The following ROBO3 variants were observed in gnomAD, a reference collection of about 807,000 sequenced individuals.
ROBO3 encodes the protein roundabout guidance receptor 3.
Under a neutral mutation model 160.5 loss-of-function variants are expected in ROBO3, and 97 were observed. The ratio of observed to expected loss-of-function variants is 0.60; its 90% CI spans 0.51 to 0.72. The LOEUF (loss-of-function observed/expected upper bound fraction) is 0.72. Among genes scored for constraint, ROBO3 ranks in the 30% least tolerant of loss-of-function variants. The probability of loss-of-function intolerance (pLI) is 0.00; values close to 1 mark genes in which losing one functional copy is unlikely to be tolerated. For missense variants in ROBO3, 1,858 were observed against 1,846.5 expected (o/e 1.01, Z -0.11); for synonymous variants, 780 against 746.2 (o/e 1.05, Z -0.74).
At chr11:124,868,633 A>G in intron 1 of ROBO3, 169 bp from the exon 2 acceptor site, 2 of 754,630 alleles carry the variant, frequency 2.7e-6, no homozygotes, top group Non-Finnish European at 2.3e-6. Context: ...AACGTCTGCC[A>G]ATAAGGACAT....
chr11:124,872,437 A>C lies in ROBO3; in HGVS notation c.1215A>C (p.Pro405=). 6.2e-7 allele frequency: 1 copy of C among 1,613,990 alleles called. No homozygotes were observed. The change falls in exon 8 of 28, where the codon CCA becomes CCC. Residue 405 remains proline, a synonymous_variant. Transcript: ENST00000397801. The surrounding 1 kb of genome is among the most constrained non-coding windows in gnomAD (Gnocchi z 4.3). ...CGACGGGGCGCTTCTCAGTGTCTCC[A>C]AGAGGCCAACTTAACATCACCGCGG... The part of the protein sequence containing the change: ...LQPTGRFSVS[P]RGQLNITAVQ...
chr11:124,870,651 A>G lies in ROBO3; in HGVS notation c.956A>G (p.Glu319Gly), dbSNP rs1306906691. 1 of 1,613,518 alleles carries G rather than the reference A, an allele frequency of 6.2e-7. No homozygotes were observed. Among genetic ancestry groups the G allele is most frequent in the Non-Finnish European group, 8.5e-7 (1 of 1,179,768 alleles). Residue 319 changes from glutamate (E) to glycine (G), a missense_variant, in exon 6 of 28, where the codon GAA becomes GGA. Glu to Gly is a moderately conservative substitution (Grantham distance 98). Transcript: ENST00000397801. ...HSLWIGHVSA[E>G]DEGTYTCVAE... ...CTTTGGATTGGGCATGTGAGTGCCGAAGATGAGGGAACGTACACCTGTGTG... is the reference window on the plus strand; with the variant it reads ...CTTTGGATTGGGCATGTGAGTGCCGGAGATGAGGGAACGTACACCTGTGTG...
intron 20 of ROBO3, 55 bp from the exon 21 acceptor site, chr11:124,877,882 G>C: frequency 7.7e-7 from 1 of 1,307,068 alleles, no homozygotes; most frequent in Admixed American, 2.0e-5. Context: ...CTTCCATTCT[G>C]TTGTCCTCTA....
At position 124,872,556 on chromosome 11, in the gene ROBO3, C is replaced by T. The variant is rs917055126; in HGVS notation, c.1330+4C>T. ...GCCCTGCTGGAGATAAAAGGAGGTA[C>T]GTGCCCATGGAGATAGGACTGGATC... On this transcript the variant is annotated splice_donor_region_variant and intron_variant, in intron 8 of 27. Transcript: ENST00000397801. The surrounding 1 kb of genome is among the most constrained non-coding windows in gnomAD (Gnocchi z 4.3). 27 of 1,612,132 alleles carry T rather than the reference C, an allele frequency of 1.7e-5. No homozygotes were observed. The highest frequency in any genetic ancestry group is 1.8e-5 in the Non-Finnish European group (21 of 1,178,664).
chr11:124,875,868 G>C (rs1296845006), intron 15 of ROBO3, 86 bp from the exon 16 acceptor site: 4 of 1,497,194 alleles, frequency 2.7e-6, no homozygotes, highest in South Asian at 2.4e-5. Context: ...TCTGTATAAG[G>C]CTTCTCTACC....
At chr11:124,879,677 C>T in intron 25 of ROBO3, 102 bp downstream of exon 25, 1 of 1,548,970 alleles carries the variant, frequency 6.5e-7, no homozygotes, top group Non-Finnish European at 8.8e-7. Flanking sequence ...CAGGTGAACC[C>T]CAATCTTGGG....
rs1354153749 is a variant in ROBO3 at position 124,868,784 on chromosome 11, G to A, written c.161-18G>A. 7 of 1,595,380 alleles carry A rather than the reference G, an allele frequency of 4.4e-6. No individual in the cohort carries two copies. The highest frequency in any genetic ancestry group is 6.0e-6 in the Non-Finnish European group (7 of 1,171,130). On this transcript the variant is annotated intron_variant, in intron 1 of 27. Transcript: ENST00000397801. ...CAATTTCCCTGTCTGAACGCTCTGCGCCACCCCCTGTCCCCAGGGTCAAGG... is the reference window on the plus strand; with the variant it reads ...CAATTTCCCTGTCTGAACGCTCTGCACCACCCCCTGTCCCCAGGGTCAAGG...
rs371196915 is a variant in ROBO3 at position 124,875,347 on chromosome 11, C to T, written c.2299+11C>T. ...GCATTCCTGAGGAGGGTAAGGAGGG[C>T]CACCGAACAGATGGATGGACAAGAG... On this transcript the variant is annotated intron_variant, in intron 14 of 27. Coordinates refer to ENST00000397801, the MANE Select transcript of ROBO3 (RefSeq NM_022370.4). 1.9e-4 allele frequency: 310 copies of T among 1,601,966 alleles called. No homozygotes were observed. The highest frequency in any genetic ancestry group is 2.4e-4 in the Non-Finnish European group (282 of 1,172,596).
Position 124,873,680 on chromosome 11 carries a change from A to G in ROBO3, c.1619-17A>G. On this transcript the variant is annotated splice_polypyrimidine_tract_variant and intron_variant, in intron 10 of 27. Transcript: ENST00000397801. The surrounding 1 kb of genome is among the most constrained non-coding windows in gnomAD (Gnocchi z 4.5). Reference sequence around the variant, plus strand: ...CCTTTCCCTATCTTTCTACTTAAAGATTATCTCCCACTGCAGAAGACTGGG... The same window carrying G: ...CCTTTCCCTATCTTTCTACTTAAAGGTTATCTCCCACTGCAGAAGACTGGG... The G allele has an allele frequency of 6.3e-7, 1 of 1,596,446 alleles. No individual in the cohort carries two copies. The highest frequency in any genetic ancestry group is 8.5e-7 in the Non-Finnish European group (1 of 1,171,298).
In ROBO3 at chr11:124,865,847, C is replaced by A. The variant is rs1012114637; in HGVS notation, c.160+110C>A. 6 of 1,171,786 alleles carry A rather than the reference C, an allele frequency of 5.1e-6. No homozygotes were observed. Among genetic ancestry groups the A allele is most frequent in the South Asian group, 1.6e-5 (1 of 64,202 alleles). 72.6% of individuals were successfully genotyped at this position (1,171,786 alleles called of 1,614,324 possible). ...TGTCCCGAGGTCCGGGATTGAGTGG[C>A]GCCTCCCAGCGCCTCCCTGGGTCGT... On this transcript the variant is annotated intron_variant, in intron 1 of 27. Transcript: ENST00000397801. The surrounding 1 kb of genome is among the most constrained non-coding windows in gnomAD (Gnocchi z 5.5).
Position 124,873,411 on chromosome 11 carries a change from C to CCT in ROBO3, c.1618+21_1618+22dup, listed in dbSNP as rs1371080308. On this transcript the variant is annotated intron_variant, in intron 10 of 27. Transcript: ENST00000397801. This position sits in a 1 kb window ranked among gnomAD's most constrained non-coding sequence, Gnocchi z 4.5. Reference sequence around the variant, plus strand: ...TGCGGGGTGAGTTTTTTCTTTCTTCCCTTATTTTGATAATACCTTCCTCCA... The same window carrying CCT: ...TGCGGGGTGAGTTTTTTCTTTCTTCCCTCTTATTTTGATAATACCTTCCTCCA... 6.3e-7 allele frequency: 1 copy of CCT among 1,598,286 alleles called. No homozygotes were observed. Among genetic ancestry groups the CCT allele is most frequent in the Admixed American group, 1.7e-5 (1 of 58,152 alleles).
In ROBO3 at chr11:124,872,818, G is replaced by A. The variant is rs2135329351; in HGVS notation, c.1331-66G>A. 7.4e-7 allele frequency: 1 copy of A among 1,353,806 alleles called. No individual in the cohort carries two copies. Among genetic ancestry groups the A allele is most frequent in the South Asian group, 1.5e-5 (1 of 68,208 alleles). 83.9% of individuals were successfully genotyped at this position (1,353,806 alleles called of 1,614,324 possible). On this transcript the variant is annotated intron_variant, in intron 8 of 27. Coordinates refer to ENST00000397801, the MANE Select transcript of ROBO3 (RefSeq NM_022370.4). The surrounding 1 kb of genome is among the most constrained non-coding windows in gnomAD (Gnocchi z 4.3). ...GGGAGGGTGAAGGAGCAGAGAATGA[G>A]GACAAGGGGCTGCCCGCGGGGCCCT...
chr11:124,872,866 A>T lies in ROBO3; in HGVS notation c.1331-18A>T, dbSNP rs183369089. Reference sequence around the variant, plus strand: ...CCTAAGCTCCTCCCCTGAGGTGCACACGTTCTTCCTCTCTCAGCCTCTTTG... The same window carrying T: ...CCTAAGCTCCTCCCCTGAGGTGCACTCGTTCTTCCTCTCTCAGCCTCTTTG... On this transcript the variant is annotated intron_variant, in intron 8 of 27. Coordinates refer to ENST00000397801, the MANE Select transcript of ROBO3 (RefSeq NM_022370.4). This position sits in a 1 kb window ranked among gnomAD's most constrained non-coding sequence, Gnocchi z 4.3. The T allele has an allele frequency of 1.9e-6, 3 of 1,572,246 alleles. No individual in the cohort carries two copies. In the East Asian group the frequency reaches 6.8e-5, roughly 36 times the overall value.
Position 124,872,521 on chromosome 11 carries a change from C to G in ROBO3, c.1299C>G (p.Ile433Met). 1 of 1,613,890 alleles carries G rather than the reference C, an allele frequency of 6.2e-7. No individual in the cohort carries two copies. The highest frequency in any genetic ancestry group is 8.5e-7 in the Non-Finnish European group (1 of 1,179,818). ...VCQAVSVAGS[I>M]LAKALLEIKG... is the part of the protein sequence containing the mutation. ...AGGCTGTCAGTGTGGCTGGCAGCAT[C>G]CTGGCCAAGGCCCTGCTGGAGATAA... The change falls in exon 8 of 28, where the codon ATC (isoleucine) becomes ATG (methionine). Residue 433 changes from isoleucine (I) to methionine (M), a missense_variant. Transcript: ENST00000397801. This position sits in a 1 kb window ranked among gnomAD's most constrained non-coding sequence, Gnocchi z 4.3.
At chr11:124,870,791 G>C in intron 6 of ROBO3, 63 bp downstream of exon 6, 2 of 1,585,840 alleles carry the variant, frequency 1.3e-6, no homozygotes, top group African/African-American at 2.7e-5. Context: ...GAGGATGGTT[G>C]GCAAGAGACT....
chr11:124,869,510 C>G lies in ROBO3; in HGVS notation c.548C>G (p.Ala183Gly), dbSNP rs1946251251. 1 of 1,560,372 alleles carries G rather than the reference C, an allele frequency of 6.4e-7. No individual in the cohort carries two copies. The highest frequency in any genetic ancestry group is 1.2e-5 in the South Asian group (1 of 84,628). Residue 183 changes from alanine to glycine, a missense_variant, in exon 3 of 28, where the codon GCA becomes GGA. Coordinates refer to ENST00000397801, the MANE Select transcript of ROBO3 (RefSeq NM_022370.4). The surrounding 1 kb of genome is among the most constrained non-coding windows in gnomAD (Gnocchi z 4.2). Reference sequence around the variant, plus strand: ...GTGGTGGTGGCAGTGGGGGAGCCAGCAGTACTGGAATGCGTGCCCCCCCGC... The same window carrying G: ...GTGGTGGTGGCAGTGGGGGAGCCAGGAGTACTGGAATGCGTGCCCCCCCGC... Reference protein sequence around the residue: ...GNVVVAVGEPAVLECVPPRGH... With the variant: ...GNVVVAVGEPGVLECVPPRGH...
At chr11:124,875,035 G>GATGGGC in intron 13 of ROBO3, 76 bp from the exon 14 acceptor site, 1 of 1,513,256 alleles carries the variant, frequency 6.6e-7, no homozygotes, top group Admixed American at 2.0e-5. Context: ...GGGAGGAGGG[G>GATGGGC]CTGGGCCTGG....
chr11:124,868,447 G>A, intron 1 of ROBO3: 4 of 574,750 alleles, frequency 7.0e-6, no homozygotes, highest in South Asian at 4.1e-5. Context: ...CCACTGGGCA[G>A]GAGGCGAGGG....
Position 124,873,505 on chromosome 11 carries a change from G to A in ROBO3, c.1618+114G>A, listed in dbSNP as rs1946306556. 3.6e-6 allele frequency: 4 copies of A among 1,101,552 alleles called. No homozygotes were observed. Among genetic ancestry groups the A allele is most frequent in the Admixed American group, 2.0e-5 (1 of 49,672 alleles). The allele number at this position is 1,101,552 out of a possible 1,614,324, so 68.2% of individuals were successfully genotyped here. A position where few individuals can be genotyped will look rare whatever the true frequency, so the allele number is the denominator to read the frequency against. On this transcript the variant is annotated intron_variant, in intron 10 of 27. Coordinates refer to ENST00000397801, the MANE Select transcript of ROBO3 (RefSeq NM_022370.4). This position sits in a 1 kb window ranked among gnomAD's most constrained non-coding sequence, Gnocchi z 4.5. ...TTAACTTTATGTCACAAATGCCATGGTTACGGTGGTGAGGATGAGAAGGAC... is the reference window on the plus strand; with the variant it reads ...TTAACTTTATGTCACAAATGCCATGATTACGGTGGTGAGGATGAGAAGGAC...
Sources: gnomAD v4.1 joint callset for allele counts on GRCh38, gnomAD v4.1.1 for gene constraint, Gnocchi (gnomAD v3.1) non-coding constraint, MANE v1.5 for transcripts, NCBI Gene and HGNC (gene_info 2026-07-23, HGNC 2026-07-21) for gene names.